The following HTR4 variants were observed in gnomAD, a reference collection of about 807,000 sequenced individuals.
HTR4 encodes 5-hydroxytryptamine (serotonin) receptor 4, G protein-coupled.
A neutral mutation model predicts 36.8 loss-of-function variants in HTR4; 16 were observed. The ratio of observed to expected loss-of-function variants is 0.43; its 90% CI spans 0.29 to 0.66. The LOEUF (loss-of-function observed/expected upper bound fraction) is 0.66, where lower values mean the gene tolerates loss of function less well. Ranked by LOEUF, HTR4 falls within the 30% of genes least tolerant of loss-of-function variation. The probability of loss-of-function intolerance (pLI) is 0.13; values close to 1 mark genes in which losing one functional copy is unlikely to be tolerated. For missense variants in HTR4, 438 were observed against 490.9 expected (o/e 0.89, Z 1.02); for synonymous variants, 189 against 185.1 (o/e 1.02, Z -0.17).
intron 4 of HTR4, among the ~76,000 whole-genome samples, chr5:148,525,981 T>C (rs1758250137): frequency 6.6e-6 from 1 of 152,100 alleles, no homozygotes; most frequent in African/African-American, 2.4e-5. Context: ...AGATGGAAGA[T>C]TGGAGTGATG....
intron 2 of HTR4, among the ~76,000 whole-genome samples, chr5:148,625,640 G>T (rs1336196303): frequency 1.3e-5 from 2 of 152,112 alleles, no homozygotes; most frequent in Non-Finnish European, 2.9e-5. Context: ...GAGTGCAGCG[G>T]CATGATCTCT....
chr5:148,606,823 C>G (rs938741638), intron 2 of HTR4, among the ~76,000 whole-genome samples: 2 of 152,184 alleles, frequency 1.3e-5, no homozygotes, highest in Non-Finnish European at 2.9e-5. Flanking sequence ...TTTGTCACTT[C>G]TATGAATTAG....
At chr5:148,522,152 C>A (rs1190260330) in intron 5 of HTR4, among the ~76,000 whole-genome samples, 4 of 152,140 alleles carry the variant, frequency 2.6e-5, no homozygotes, top group Admixed American at 2.6e-4. Flanking sequence ...GTAAGATGTG[C>A]CTTTTGCCTC....
chr5:148,577,007 C>CA (rs1377406928), intron 2 of HTR4, among the ~76,000 whole-genome samples: 1 of 151,782 alleles, frequency 6.6e-6, no homozygotes, highest in Admixed American at 6.6e-5. Context: ...ACAACAATGA[C>CA]AAAAAACTAT....
chr5:148,514,888 AT>A (rs1467132237), intron 5 of HTR4, among the ~76,000 whole-genome samples: 19 of 151,828 alleles, frequency 1.3e-4, no homozygotes, highest in African/African-American at 3.4e-4. Context: ...ATGTATTTCT[AT>A]TTTTTTATTT....
At chr5:148,484,180 C>T in intron 6 of HTR4, 1 of 1,426,588 alleles carries the variant, frequency 7.0e-7, no homozygotes, top group Non-Finnish European at 9.5e-7. Flanking sequence ...GTAGATATTT[C>T]AGTTTAGTGT....
At chr5:148,538,572 A>G (rs1036661061) in intron 4 of HTR4, among the ~76,000 whole-genome samples, 2 of 152,178 alleles carry the variant, frequency 1.3e-5, no homozygotes, top group African/African-American at 4.8e-5. Context: ...GCATTCCTAT[A>G]TACCTACGAC....
intron 2 of HTR4, among the ~76,000 whole-genome samples, chr5:148,567,743 T>G (rs1337437974): frequency 6.6e-6 from 1 of 152,150 alleles, no homozygotes; most frequent in African/African-American, 2.4e-5. Flanking sequence ...AGGTCTCTGC[T>G]CAAAGGTGTC....
At chr5:148,592,342 G>T (rs76169901) in intron 2 of HTR4, among the ~76,000 whole-genome samples, 2,528 of 152,076 alleles carry the variant, frequency 0.017, 121 homozygotes, top group East Asian at 0.11. Flanking sequence ...TGCCCCATAT[G>T]TTTACCTATG....
At chr5:148,568,434 T>G (rs143818349) in intron 2 of HTR4, among the ~76,000 whole-genome samples, 16 of 152,282 alleles carry the variant, frequency 1.1e-4, no homozygotes, top group African/African-American at 3.6e-4. Context: ...TTATTACTTA[T>G]TTACCATGCT....
chr5:148,579,495 C>A (rs1048272273), intron 2 of HTR4, among the ~76,000 whole-genome samples: 1 of 152,056 alleles, frequency 6.6e-6, no homozygotes, highest in African/African-American at 2.4e-5. Flanking sequence ...TATTAGTTTT[C>A]TATAGATAGA....
At chr5:148,466,735 A>T (rs1215540462) in intron 5 of HTR4, among the ~76,000 whole-genome samples, 1 of 152,216 alleles carries the variant, frequency 6.6e-6, no homozygotes, top group Non-Finnish European at 1.5e-5. Context: ...ATATATAAAT[A>T]ATTCCTGGTA....
chr5:148,554,767 GAT>G (rs1367019824), intron 2 of HTR4, among the ~76,000 whole-genome samples: 1 of 152,126 alleles, frequency 6.6e-6, no homozygotes, highest in Admixed American at 6.5e-5. Flanking sequence ...AGCATTGTTT[GAT>G]AGGTAGTTTC....
At chr5:148,590,027 C>A (rs1229025988) in intron 2 of HTR4, among the ~76,000 whole-genome samples, 1 of 152,088 alleles carries the variant, frequency 6.6e-6, no homozygotes, top group African/African-American at 2.4e-5. Flanking sequence ...TCCTTGGCAA[C>A]CACCATTTCA....
At chr5:148,544,189 A>G (rs1759255494) in intron 4 of HTR4, among the ~76,000 whole-genome samples, 1 of 151,756 alleles carries the variant, frequency 6.6e-6, no homozygotes, top group Admixed American at 6.6e-5. Flanking sequence ...CCCTCAAATA[A>G]CCACCTGTTA....
intron 2 of HTR4, among the ~76,000 whole-genome samples, chr5:148,602,121 T>C (rs184344751): frequency 6.4e-4 from 98 of 152,296 alleles, no homozygotes; most frequent in Admixed American, 1.2e-3. Flanking sequence ...AGAGTAGCTC[T>C]TATGTTAAGT....
At chr5:148,598,360 C>A (rs1761860211) in intron 2 of HTR4, among the ~76,000 whole-genome samples, 1 of 152,076 alleles carries the variant, frequency 6.6e-6, no homozygotes, top group Non-Finnish European at 1.5e-5. Flanking sequence ...GCCTTGTCAA[C>A]ATGGTCAAAC....
At chr5:148,644,788 T>C (rs577886834) in intron 1 of HTR4, 13 of 152,136 alleles carry the variant, frequency 8.5e-5, no homozygotes, top group Non-Finnish European at 1.8e-4. Context: ...CAATTTATTG[T>C]GCTTGTGTGC....
At chr5:148,547,580 T>TAAATAA (rs1759454183) in intron 4 of HTR4, among the ~76,000 whole-genome samples, 1 of 134,336 alleles carries the variant, frequency 7.4e-6, no homozygotes. Context: ...TAAATAAAAA[T>TAAATAA]AAATGAAAAT....
Sources: gnomAD v4.1 joint callset for allele counts (sites outside exome capture counted in the v4.1 genomes callset) on GRCh38, gnomAD v4.1.1 for gene constraint, MANE v1.5 for transcripts, NCBI Gene and HGNC (gene_info 2026-07-23, HGNC 2026-07-21) for gene names.